Variants in PRKX observed in about 807,000 individuals in gnomAD.
The protein encoded by PRKX is cAMP-dependent protein kinase catalytic subunit PRKX.
In PRKX, 12 loss-of-function variants were observed where a neutral mutation model predicts 22.0. The observed-to-expected ratio is 0.54, with a 90% CI of 0.35 to 0.88. The LOEUF (loss-of-function observed/expected upper bound fraction) is 0.88, where lower values mean the gene tolerates loss of function less well. Ranked by LOEUF, PRKX falls within the 40% of genes least tolerant of loss-of-function variation. PRKX has a pLI of 0.01. For missense variants in PRKX, 217 were observed against 308.0 expected, an observed-to-expected ratio of 0.70 and a Z score of 2.21; for synonymous variants, 134 against 137.7, an observed-to-expected ratio of 0.97 and a Z score of 0.19.
chrX:3,639,920 T>A (rs140385788), intron 4 of PRKX, among the ~76,000 whole-genome samples: 12,528 of 110,756 alleles, frequency 0.11, 576 homozygotes, highest in Non-Finnish European at 0.14. Context: ...GAATGTCACA[T>A]GCTCCACACC....
At chrX:3,639,054 C>T (rs1198801223) in intron 4 of PRKX, among the ~76,000 whole-genome samples, 2 of 48,966 alleles carry the variant, frequency 4.1e-5, no homozygotes, top group African/African-American at 9.5e-5. Flanking sequence ...TAAACAGATA[C>T]ATACATACTT....
At position 3,674,496 on chromosome X, in the gene PRKX, T is replaced by C. The variant is rs187063697; in HGVS notation, c.335+102A>G. ...GTGGAGACTGCTGTGGCCTAAGGCT[T>C]TGCACGCAGGCCATGGTCTCGGCCC... On this transcript the variant is annotated intron_variant, in intron 2 of 8. Coordinates refer to ENST00000262848, the MANE Select transcript of PRKX (RefSeq NM_005044.5). The C allele has an allele frequency of 3.6e-5, 31 of 859,513 alleles. No homozygotes were observed. In the Admixed American group the frequency reaches 9.1e-4, roughly 25 times the overall value. 70.8% of individuals were successfully genotyped at this position (859,513 alleles called of 1,213,427 possible). A position where few individuals can be genotyped will look rare whatever the true frequency, so the allele number is the denominator to read the frequency against.
intron 1 of PRKX, 147 bp from the exon 2 acceptor site, chrX:3,674,913 G>C: frequency 1.7e-6 from 1 of 606,019 alleles, no homozygotes; most frequent in East Asian, 3.5e-5. Flanking sequence ...CATGGTGCAC[G>C]TGGGCTGATG....
Position 3,630,476 on chromosome X carries a change from C to T in PRKX, c.720-3962G>A, listed in dbSNP as rs771498081. ...TCAGGAGGCTGAGGCAGCGGAATGG[C>T]GTGAACCCGGGAGGCGGAGCTTGCA... On this transcript the variant is annotated intron_variant, in intron 4 of 8. Transcript: ENST00000262848. 1.4e-3 allele frequency among the ~76,000 whole-genome samples: 158 copies of T among 111,654 alleles called. 1 individual carries two copies. The highest frequency in any genetic ancestry group is 8.5e-4 in the Admixed American group (9 of 10,531).
chrX:3,704,748 A>G (rs1210386604), intron 1 of PRKX, among the ~76,000 whole-genome samples: 3 of 111,506 alleles, frequency 2.7e-5, no homozygotes, highest in Admixed American at 9.6e-5. Flanking sequence ...TTGCATCCAC[A>G]TTGTTGCAAA....
chrX:3,713,397 C>G lies in PRKX; in HGVS notation c.-144G>C. 1 of 475,430 alleles carries G rather than the reference C, an allele frequency of 2.1e-6. No individual in the cohort carries two copies. Among genetic ancestry groups the G allele is most frequent in the Non-Finnish European group, 3.0e-6 (1 of 336,474 alleles). 39.2% of individuals were successfully genotyped at this position (475,430 alleles called of 1,213,427 possible). On this transcript the variant is annotated 5_prime_UTR_variant, in exon 1 of 9. Transcript: ENST00000262848. Reference sequence around the variant, plus strand: ...CGCTCTCGCCTCCTGGTGCGCGGTCCGGCGCGGCTGACGGAGCGACGGGGA... The same window carrying G: ...CGCTCTCGCCTCCTGGTGCGCGGTCGGGCGCGGCTGACGGAGCGACGGGGA...
chrX:3,647,000 C>T lies in PRKX; in HGVS notation c.600-5029G>A, dbSNP rs1182975770. On this transcript the variant is annotated intron_variant, in intron 3 of 8. Transcript: ENST00000262848. ...TAACAACACCGACTGCAAACAGACT[C>T]GACATCTCAGGCCCTCCTTGACTTC... 2.7e-5 allele frequency among the ~76,000 whole-genome samples: 3 copies of T among 110,523 alleles called. No homozygotes were observed. In the East Asian group the frequency reaches 8.4e-4, roughly 31 times the overall value.
Position 3,606,107 on chromosome X carries a change from T to TA in PRKX, c.*2861dup, listed in dbSNP as rs1357738357. 2 of 112,593 alleles carry TA rather than the reference T, an allele frequency of 1.8e-5. No individual in the cohort carries two copies. The highest frequency in any genetic ancestry group is 3.2e-5 in the African/African-American group (1 of 31,003). 9.3% of individuals were successfully genotyped at this position (112,593 alleles called of 1,213,427 possible). On this transcript the variant is annotated 3_prime_UTR_variant, in exon 9 of 9. Transcript: ENST00000262848. ...GTAACATATCCATGTCCTATTCTCT[T>TA]AGAGTATTCCAATTTAAGAAAATAT...
chrX:3,653,371 G>A (rs1927377968), intron 3 of PRKX, among the ~76,000 whole-genome samples: 1 of 109,891 alleles, frequency 9.1e-6, no homozygotes, highest in Non-Finnish European at 1.9e-5. Flanking sequence ...CTCCAGAGCT[G>A]TGAGCCATGA....
At chrX:3,710,850 C>T (rs1283935816) in intron 1 of PRKX, among the ~76,000 whole-genome samples, 7 of 111,216 alleles carry the variant, frequency 6.3e-5, no homozygotes, top group African/African-American at 2.3e-4. Flanking sequence ...CCTGTAGTGA[C>T]AGTTTAGGAT....
chrX:3,713,393 G>A lies in PRKX; in HGVS notation c.-140C>T. The A allele has an allele frequency of 6.2e-6, 3 of 486,219 alleles. No homozygotes were observed. Among genetic ancestry groups the A allele is most frequent in the Non-Finnish European group, 8.7e-6 (3 of 346,188 alleles). The allele number at this position is 486,219 out of a possible 1,213,427, so 40.1% of individuals were successfully genotyped here. On this transcript the variant is annotated 5_prime_UTR_variant, in exon 1 of 9. Coordinates refer to ENST00000262848, the MANE Select transcript of PRKX (RefSeq NM_005044.5). ...TGCGCGCTCTCGCCTCCTGGTGCGC[G>A]GTCCGGCGCGGCTGACGGAGCGACG... is the stretch of plus-strand genomic sequence containing the variant.
chrX:3,674,884 A>G, intron 1 of PRKX, 118 bp from the exon 2 acceptor site: 1 of 817,157 alleles, frequency 1.2e-6, no homozygotes, highest in Non-Finnish European at 1.8e-6. Context: ...CCCAAGTGAA[A>G]CTTTCAGAGA....
chrX:3,652,571 G>A (rs952613147), intron 3 of PRKX, among the ~76,000 whole-genome samples: 3 of 110,912 alleles, frequency 2.7e-5, no homozygotes, highest in African/African-American at 6.6e-5. Context: ...ACGACAGAGC[G>A]AGACTTCGTC....
chrX:3,659,729 G>GTTTTTTTTTTT (rs200394116), intron 2 of PRKX, among the ~76,000 whole-genome samples: 1 of 32,681 alleles, frequency 3.1e-5, no homozygotes, highest in Non-Finnish European at 6.4e-5. Context: ...TTTTTTTTTT[G>GTTTTTTTTTTT]TTTTTTTTTT....
chrX:3,698,713 C>T (rs767755049), intron 1 of PRKX, among the ~76,000 whole-genome samples: 91 of 109,711 alleles, frequency 8.3e-4, no homozygotes, highest in African/African-American at 2.8e-3. Context: ...CTCAGCCTCC[C>T]GAGTAGCTGG....
intron 4 of PRKX, among the ~76,000 whole-genome samples, chrX:3,630,517 G>A (rs775746249): frequency 1.2e-4 from 13 of 111,582 alleles, no homozygotes; most frequent in South Asian, 7.6e-4. Context: ...CCGAGATCAC[G>A]CCACTGCACT....
chrX:3,681,658 T>G (rs180704906), intron 1 of PRKX, among the ~76,000 whole-genome samples: 1 of 88,725 alleles, frequency 1.1e-5, no homozygotes, highest in Non-Finnish European at 2.5e-5. Flanking sequence ...CAAAAAAAAA[T>G]TTTTTTTAAA....
intron 4 of PRKX, among the ~76,000 whole-genome samples, chrX:3,630,957 AT>A (rs1330891672): frequency 8.9e-6 from 1 of 111,780 alleles, no homozygotes; most frequent in Non-Finnish European, 1.9e-5. Context: ...TACTTCTGAG[AT>A]TTTCTCATAT....
chrX:3,667,522 T>G (rs376545049), intron 2 of PRKX: 5 of 109,736 alleles, frequency 4.6e-5, no homozygotes, highest in Admixed American at 2.0e-4. Flanking sequence ...CATCCACCTG[T>G]GGCTTCCTCC....
Sources: allele counts gnomAD v4.1 joint callset (sites outside exome capture counted in the v4.1 genomes callset), GRCh38; gene constraint gnomAD v4.1.1; transcripts MANE v1.5; gene names NCBI Gene and HGNC (gene_info 2026-07-23, HGNC 2026-07-21).